Variants in IL16 observed in about 807,000 individuals in gnomAD.
IL16 encodes interleukin 16, also known as pro-interleukin-16.
Under a neutral mutation model 110.1 loss-of-function variants are expected in IL16, and 67 were observed. That is an observed-to-expected ratio of 0.61 (90% CI 0.50 to 0.75). The LOEUF (loss-of-function observed/expected upper bound fraction) is 0.75, where lower values mean the gene tolerates loss of function less well. Among genes scored for constraint, IL16 ranks in the 30% least tolerant of loss-of-function variants. The probability of loss-of-function intolerance (pLI) is 0.00; values close to 1 mark genes in which losing one functional copy is unlikely to be tolerated. For synonymous variants in IL16, 689 were observed against 662.9 expected, an observed-to-expected ratio of 1.04 and a Z score of -0.61; for missense variants, 1,545 against 1,655.0, an observed-to-expected ratio of 0.93 and a Z score of 1.15.
intron 5 of IL16, among the ~76,000 whole-genome samples, chr15:81,270,819 G>T (rs1316302290): frequency 2.6e-5 from 4 of 152,168 alleles, no homozygotes; most frequent in African/African-American, 9.7e-5. Flanking sequence ...ATGAGGCCGG[G>T]GGGTGGAAGA....
chr15:81,252,505 T>G (rs571515315), intron 2 of IL16, among the ~76,000 whole-genome samples: 39 of 152,298 alleles, frequency 2.6e-4, no homozygotes, highest in African/African-American at 9.4e-4. Context: ...ACCACACAAT[T>G]AAACCATTTA....
intron 14 of IL16, among the ~76,000 whole-genome samples, chr15:81,300,983 G>A (rs541590657): frequency 6.6e-6 from 1 of 152,306 alleles, no homozygotes; most frequent in East Asian, 1.9e-4. Context: ...CTGACTATGA[G>A]CAGGTTCTTT....
Position 81,292,702 on chromosome 15 carries a change from G to C in IL16, c.1567G>C (p.Gly523Arg). 6.2e-7 allele frequency: 1 copy of C among 1,614,160 alleles called. No homozygotes were observed. Among genetic ancestry groups the C allele is most frequent in the East Asian group, 2.2e-5 (1 of 44,878 alleles). The change falls in exon 12 of 19, where the codon GGA (glycine) becomes CGA (arginine). Residue 523 changes from glycine to arginine, a missense_variant. Physicochemically the swap from Gly to Arg is moderately radical, Grantham distance 125 (BLOSUM62 -2). This residue lies in a region of IL16 where 1,185 missense variants were observed against 1,238.8 expected (regional missense o/e 0.96). Coordinates refer to ENST00000683961, the MANE Select transcript of IL16 (RefSeq NM_172217.5). ...DSSYMSGSPGGSPGSGSAEKP... is the reference protein window; with the variant it reads ...DSSYMSGSPGRSPGSGSAEKP... ...CAGCTACATGTCTGGGTCCCCAGGG[G>C]GAAGTCCTGGGAGTGGCAGTGCTGA... is the stretch of plus-strand genomic sequence containing the variant.
upstream of IL16, among the ~76,000 whole-genome samples, chr15:81,195,716 T>C (rs182349105): frequency 7.7e-4 from 118 of 152,280 alleles, 1 homozygote; most frequent in Middle Eastern, 0.02. Context: ...GTGCTGAGCG[T>C]TGGGAAACAT....
rs761920758 is a variant in IL16 at position 81,197,124 on chromosome 15, C to A, written c.-130C>A. ...CAAGGGAGATGGCAGCCCCGGGGGA[C>A]TGTGCATAGGGAGGTAGGTGGGCAC... On this transcript the variant is annotated 5_prime_UTR_variant, in exon 1 of 19. It adds an upstream start codon to the 5' untranslated region. Coordinates refer to ENST00000683961, the MANE Select transcript of IL16 (RefSeq NM_172217.5). 24 of 1,288,852 alleles carry A rather than the reference C, an allele frequency of 1.9e-5. No individual in the cohort carries two copies. In the African/African-American group the frequency reaches 3.6e-4, roughly 20 times the overall value. 79.8% of individuals were successfully genotyped at this position (1,288,852 alleles called of 1,614,324 possible). A position where few individuals can be genotyped will look rare whatever the true frequency, so the allele number is the denominator to read the frequency against.
intron 16 of IL16, among the ~76,000 whole-genome samples, chr15:81,305,023 G>A (rs1900480026): frequency 6.6e-6 from 1 of 152,212 alleles, no homozygotes; most frequent in Admixed American, 6.5e-5. Flanking sequence ...GGGACCAAGA[G>A]GTGACTGGAG....
At chr15:81,191,090 T>G (rs1173602309) in intron 1 of IL16, among the ~76,000 whole-genome samples, 1 of 152,196 alleles carries the variant, frequency 6.6e-6, no homozygotes, top group Non-Finnish European at 1.5e-5. Flanking sequence ...CCACAGCAAG[T>G]GCTGCACAAA....
At chr15:81,285,910 A>G in intron 10 of IL16, 80 bp downstream of exon 10, 1 of 1,463,106 alleles carries the variant, frequency 6.8e-7, no homozygotes, top group East Asian at 2.3e-5. Context: ...AGATGAAAAC[A>G]GAGATGTTGC....
chr15:81,292,170 T>A (rs1002477325), intron 11 of IL16: 17 of 355,604 alleles, frequency 4.8e-5, no homozygotes, highest in Admixed American at 7.5e-5. Flanking sequence ...TCTCCAGCAG[T>A]CCCTGGAGAT....
At chr15:81,259,360 A>G (rs1457935277) in intron 2 of IL16, among the ~76,000 whole-genome samples, 2 of 152,154 alleles carry the variant, frequency 1.3e-5, no homozygotes, top group African/African-American at 2.4e-5. Context: ...AGCACTTATC[A>G]TTCTCTGTAA....
chr15:81,222,960 C>T (rs893191876), intron 1 of IL16, among the ~76,000 whole-genome samples: 1 of 152,100 alleles, frequency 6.6e-6, no homozygotes, highest in Non-Finnish European at 1.5e-5. Flanking sequence ...GGCAGAGGAA[C>T]ATTCACAATT....
intron 13 of IL16, 113 bp downstream of exon 13, chr15:81,297,191 A>T: frequency 9.8e-7 from 1 of 1,015,842 alleles, no homozygotes; most frequent in South Asian, 1.7e-5. Context: ...TGACATCACC[A>T]CTGGACCTGG....
Position 81,299,408 on chromosome 15 carries a change from A to G in IL16, c.2082A>G (p.Pro694=). ...PVTQTSPIKH[P]LLKRQARMDY... The stretch of plus-strand genomic sequence containing the variant: ...CCCAAACATCCCCGATAAAACACCC[A>G]CTGCTTAAGAGGCAGGCTCGGATGG... Residue 694 remains proline, a synonymous_variant, in exon 14 of 19, where the codon CCA becomes CCG. Coordinates refer to ENST00000683961, the MANE Select transcript of IL16 (RefSeq NM_172217.5). 2 of 1,613,762 alleles carry G rather than the reference A, an allele frequency of 1.2e-6. No individual in the cohort carries two copies. The highest frequency in any genetic ancestry group is 1.7e-6 in the Non-Finnish European group (2 of 1,180,004).
At chr15:81,227,717 C>A (rs1896834814) in intron 2 of IL16, among the ~76,000 whole-genome samples, 1 of 152,100 alleles carries the variant, frequency 6.6e-6, no homozygotes, top group African/African-American at 2.4e-5. Flanking sequence ...ACTCTGACTG[C>A]TGAGTGGAGA....
intron 5 of IL16, among the ~76,000 whole-genome samples, chr15:81,272,554 C>T (rs902408219): frequency 3.3e-5 from 5 of 152,098 alleles, no homozygotes; most frequent in East Asian, 3.8e-4. Context: ...AGGGAGAGCA[C>T]GTGATTGGAG....
In IL16 at chr15:81,310,381, C is replaced by G. The variant is rs1900788974; in HGVS notation, c.*1583C>G. 6.6e-6 allele frequency: 1 copy of G among 152,190 alleles called. No individual in the cohort carries two copies. The highest frequency in any genetic ancestry group is 6.5e-5 in the Admixed American group (1 of 15,282). The allele number at this position is 152,190 out of a possible 1,614,324, so 9.4% of individuals were successfully genotyped here. The stretch of plus-strand genomic sequence containing the variant: ...TGGCTTCATTAGAGCAGGCGTTCAG[C>G]TCACTGTTCTATTCATCTCAAGGAA... On this transcript the variant is annotated 3_prime_UTR_variant, in exon 19 of 19. Transcript: ENST00000683961.
At chr15:81,216,605 A>T (rs1896441357) in intron 1 of IL16, among the ~76,000 whole-genome samples, 1 of 152,024 alleles carries the variant, frequency 6.6e-6, no homozygotes, top group African/African-American at 2.4e-5. Flanking sequence ...GTCTTTGAGG[A>T]ATGCTCAGCC....
chr15:81,286,797 C>G (rs1042809088), intron 10 of IL16, among the ~76,000 whole-genome samples: 3 of 152,114 alleles, frequency 2.0e-5, no homozygotes, highest in African/African-American at 7.2e-5. Context: ...TAGACACATA[C>G]CTGAGACTGG....
At chr15:81,195,710 T>C (rs1241087332), upstream of IL16, among the ~76,000 whole-genome samples, 3 of 152,196 alleles carry the variant, frequency 2.0e-5, no homozygotes, top group Non-Finnish European at 4.4e-5. Context: ...CATTTGGTGC[T>C]GAGCGTTGGG....
Sources: allele counts gnomAD v4.1 joint callset (sites outside exome capture counted in the v4.1 genomes callset), GRCh38; gene constraint gnomAD v4.1.1; regional missense constraint gnomAD v4.1.1; transcripts MANE v1.5; gene names NCBI Gene and HGNC (gene_info 2026-07-23, HGNC 2026-07-21).